Variants in NPHP4 observed in about 807,000 individuals in gnomAD.
The protein encoded by NPHP4 is nephrocystin 4, also known as nephrocystin-4.
NPHP4 carries 151 observed loss-of-function variants against 155.8 expected under a neutral mutation model. That is an observed-to-expected ratio of 0.97 (90% CI 0.85 to 1.11). The LOEUF (loss-of-function observed/expected upper bound fraction) is 1.11. Among genes scored for constraint, NPHP4 ranks in the 50% least tolerant of loss-of-function variants. NPHP4 has a pLI of 0.00. For synonymous variants in NPHP4, 845 were observed against 816.8 expected (o/e 1.03, Z -0.59); for missense variants, 1,956 against 1,925.7 (o/e 1.02, Z -0.29).
Position 5,867,764 on chromosome 1 carries a change from G to A in NPHP4, c.3448C>T (p.Leu1150=), listed in dbSNP as rs1205547009. The stretch of plus-strand genomic sequence containing the variant: ...CCTGGAAATGTGTGCCAGGGCGGCA[G>A]GCGGATGGCCTTCTTCAGGAAGGAG... The part of the protein sequence containing the change: ...ELSFLKKAIR[L]PPWHTFPGAP... Residue 1150 remains leucine (L), a synonymous_variant, in exon 24 of 30, where the codon CTG becomes TTG. Transcript: ENST00000378156. The surrounding 1 kb of genome is among the most constrained non-coding windows in gnomAD (Gnocchi z 4.1). 2.1e-5 allele frequency: 34 copies of A among 1,611,268 alleles called. No individual in the cohort carries two copies. In the Admixed American group the frequency reaches 2.5e-4, roughly 12 times the overall value.
chr1:5,906,506 T>C (rs974419973), intron 13 of NPHP4, among the ~76,000 whole-genome samples: 2 of 152,256 alleles, frequency 1.3e-5, no homozygotes, highest in African/African-American at 2.4e-5. Context: ...AGAGATGCTT[T>C]AGATAAAGCA....
chr1:5,878,625 G>A (rs1469956721), intron 19 of NPHP4, among the ~76,000 whole-genome samples: 1 of 152,204 alleles, frequency 6.6e-6, no homozygotes, highest in Admixed American at 6.5e-5. Context: ...TCATGGGTGA[G>A]ACATGTGCTT....
At chr1:5,863,622 AC>A in intron 29 of NPHP4, 1 of 629,086 alleles carries the variant, frequency 1.6e-6, no homozygotes, top group Non-Finnish European at 2.8e-6. Context: ...TCGAAGGCAC[AC>A]TTATTTCCGA....
intron 18 of NPHP4, chr1:5,886,993 T>C: frequency 2.7e-6 from 1 of 373,952 alleles, no homozygotes; most frequent in Non-Finnish European, 4.9e-6. Flanking sequence ...GTCACTGTAT[T>C]TGAGGACTGT....
chr1:5,915,925 G>A (rs559167365), intron 11 of NPHP4, among the ~76,000 whole-genome samples: 1 of 152,200 alleles, frequency 6.6e-6, no homozygotes, highest in Non-Finnish European at 1.5e-5. Flanking sequence ...GGACAAGGGA[G>A]CTGCTGTCTG....
intron 10 of NPHP4, among the ~76,000 whole-genome samples, chr1:5,929,341 G>C (rs368910340): frequency 2.0e-5 from 3 of 152,142 alleles, no homozygotes; most frequent in African/African-American, 7.2e-5. Context: ...TGAACATGAC[G>C]TTGAATGCTA....
intron 3 of NPHP4, among the ~76,000 whole-genome samples, chr1:5,973,819 G>A (rs1262032823): frequency 6.6e-6 from 1 of 152,200 alleles, no homozygotes; most frequent in Non-Finnish European, 1.5e-5. Context: ...GAGGAAATCA[G>A]CCCTCCCCAG....
At chr1:5,957,202 T>C (rs1350378337) in intron 6 of NPHP4, among the ~76,000 whole-genome samples, 1 of 152,170 alleles carries the variant, frequency 6.6e-6, no homozygotes, top group Non-Finnish European at 1.5e-5. Flanking sequence ...AATAACAGCA[T>C]TGCTCCTATG....
chr1:5,956,701 G>C (rs1457430934), intron 6 of NPHP4, among the ~76,000 whole-genome samples: 3 of 152,212 alleles, frequency 2.0e-5, no homozygotes, highest in Non-Finnish European at 4.4e-5. Flanking sequence ...AGCTAGCAAA[G>C]GGCAAACAGA....
chr1:5,942,553 G>A (rs1157759285), intron 9 of NPHP4, among the ~76,000 whole-genome samples: 1 of 101,356 alleles, frequency 9.9e-6, no homozygotes, highest in Non-Finnish European at 2.1e-5. Context: ...AAAAAAAAAG[G>A]AGACTAAAAT....
chr1:5,914,365 T>C (rs1004045629), intron 11 of NPHP4, among the ~76,000 whole-genome samples: 3 of 136,768 alleles, frequency 2.2e-5, no homozygotes, highest in African/African-American at 8.3e-5. Flanking sequence ...GCCTGGAAGG[T>C]GGAAGCCACA....
At position 5,921,905 on chromosome 1, in the gene NPHP4, C is replaced by T. The variant is rs141747994; in HGVS notation, c.1441+5744G>A. ...ACCATTTACTGACTGCTACTCCTTG[C>T]GGTAAGCGGAGTAACTGCTGCCACC... On this transcript the variant is annotated intron_variant, in intron 11 of 29. Transcript: ENST00000378156. 4.2e-3 allele frequency among the ~76,000 whole-genome samples: 642 copies of T among 152,332 alleles called. 5 individuals carry two copies. Among genetic ancestry groups the T allele is most frequent in the African/African-American group, 0.014 (594 of 41,582 alleles).
At chr1:5,964,941 A>ATATATATATATATATATTTTTTTTTTTT in intron 5 of NPHP4, among the ~76,000 whole-genome samples, 2 of 59,388 alleles carry the variant, frequency 3.4e-5, no homozygotes, top group Non-Finnish European at 5.7e-5. Flanking sequence ...ATATATATAT[A>ATATATATATATATATATTTTTTTTTTTT]TTTTTTTTTT....
chr1:5,887,771 G>A (rs1643899636), intron 17 of NPHP4, among the ~76,000 whole-genome samples: 1 of 152,244 alleles, frequency 6.6e-6, no homozygotes, highest in Non-Finnish European at 1.5e-5. Flanking sequence ...TCTGGCAGCT[G>A]CCCTGGAGGA....
chr1:5,879,809 ACACGCAAACACACACACACACG>A (rs1557634467), intron 19 of NPHP4, among the ~76,000 whole-genome samples: 2 of 119,584 alleles, frequency 1.7e-5, no homozygotes, highest in African/African-American at 6.0e-5. Flanking sequence ...ACACACACAC[ACACGCAAACACACACACACACG>A]CAAACACACA....
At chr1:5,916,850 G>A (rs1400743049) in intron 11 of NPHP4, among the ~76,000 whole-genome samples, 2 of 152,188 alleles carry the variant, frequency 1.3e-5, no homozygotes, top group Admixed American at 1.3e-4. Flanking sequence ...TCTACTAAAA[G>A]CACAGCAGGC....
At chr1:5,984,904 C>A (rs557134439) in intron 2 of NPHP4, among the ~76,000 whole-genome samples, 1 of 152,342 alleles carries the variant, frequency 6.6e-6, no homozygotes, top group East Asian at 1.9e-4. Context: ...CTAAAGCCGT[C>A]GCCCTGGGCA....
chr1:5,991,791 G>A (rs1570790193), intron 1 of NPHP4, among the ~76,000 whole-genome samples: 3 of 152,078 alleles, frequency 2.0e-5, no homozygotes, highest in Admixed American at 1.3e-4. Flanking sequence ...GGGGAGGAGG[G>A]GCGGAGGGGC....
chr1:5,893,794 C>G (rs1287191903), intron 16 of NPHP4, among the ~76,000 whole-genome samples: 1 of 152,232 alleles, frequency 6.6e-6, no homozygotes, highest in Non-Finnish European at 1.5e-5. Flanking sequence ...CTTTTCGCTA[C>G]CGCTAGACCA....
Sources: gnomAD v4.1 joint callset for allele counts (sites outside exome capture counted in the v4.1 genomes callset) on GRCh38, gnomAD v4.1.1 for gene constraint, Gnocchi (gnomAD v3.1) non-coding constraint, MANE v1.5 for transcripts, NCBI Gene and HGNC (gene_info 2026-07-23, HGNC 2026-07-21) for gene names.